The following CYP3A7 variants were observed in gnomAD, a reference collection of about 807,000 sequenced individuals.
CYP3A7 encodes the protein cytochrome P450 3A7.
CYP3A7 carries 45 observed loss-of-function variants against 55.2 expected under a neutral mutation model. That is an observed-to-expected ratio of 0.82 (90% CI 0.64 to 1.05). The LOEUF (loss-of-function observed/expected upper bound fraction) is 1.05. Among genes scored for constraint, CYP3A7 ranks in the 50% least tolerant of loss-of-function variants. The pLI, the probability that CYP3A7 is intolerant of heterozygous loss-of-function variation, is 0.00. For missense variants in CYP3A7, 548 were observed against 605.3 expected, an observed-to-expected ratio of 0.91 and a Z score of 0.99; for synonymous variants, 180 against 207.4, an observed-to-expected ratio of 0.87 and a Z score of 1.13.
intron 11 of CYP3A7, among the ~76,000 whole-genome samples, 184 bp downstream of exon 11, chr7:99,708,851 G>A: frequency 6.6e-6 from 1 of 152,174 alleles, no homozygotes; most frequent in East Asian, 1.9e-4. Context: ...ACTGGCTATA[G>A]TTTTCTTTTA....
chr7:99,705,534 G>A lies in CYP3A7; in HGVS notation c.1478C>T (p.Ala493Val). 6.2e-7 allele frequency: 1 copy of A among 1,613,648 alleles called. No homozygotes were observed. Among genetic ancestry groups the A allele is most frequent in the East Asian group, 2.2e-5 (1 of 44,860 alleles). The change falls in exon 13 of 13, where the codon GCT (alanine) becomes GTT (valine). Residue 493 changes from alanine to valine, a missense_variant. Coordinates refer to ENST00000336374, the MANE Select transcript of CYP3A7 (RefSeq NM_000765.5). ...LLTEKPIVLK[A>V]ESRDETVSGA ...ACTTACGGTCTCATCCCTTGACTCA[G>A]CCTTTAGAACAATGGGTTTTTCTGT...
intron 7 of CYP3A7, 125 bp from the exon 8 acceptor site, chr7:99,714,807 A>G: frequency 1.3e-6 from 2 of 1,487,338 alleles, no homozygotes; most frequent in Non-Finnish European, 1.8e-6. Flanking sequence ...ACTGGAAGCC[A>G]TTCCTTCTAT....
intron 2 of CYP3A7, among the ~76,000 whole-genome samples, chr7:99,725,788 C>G (rs1814388945): frequency 6.6e-6 from 1 of 152,180 alleles, no homozygotes; most frequent in Non-Finnish European, 1.5e-5. Context: ...TCACGGATGC[C>G]AAACTTCAGG....
At chr7:99,722,081 C>G (rs1814224042) in intron 3 of CYP3A7, among the ~76,000 whole-genome samples, 1 of 152,196 alleles carries the variant, frequency 6.6e-6, no homozygotes, top group African/African-American at 2.4e-5. Flanking sequence ...CTTTACCTCC[C>G]TGAATTTGCA....
chr7:99,725,847 G>C (rs1195480925), intron 2 of CYP3A7, among the ~76,000 whole-genome samples: 21 of 152,094 alleles, frequency 1.4e-4, no homozygotes, highest in Admixed American at 1.4e-3. Flanking sequence ...ATCGATAGGG[G>C]GGATACCCAC....
At chr7:99,711,930 G>C (rs1813764032) in intron 9 of CYP3A7, among the ~76,000 whole-genome samples, 1 of 152,206 alleles carries the variant, frequency 6.6e-6, no homozygotes, top group South Asian at 2.1e-4. Context: ...GAGGCACCAG[G>C]TAATAGACCC....
At chr7:99,734,985 C>T in intron 1 of CYP3A7, 38 bp downstream of exon 1, 1 of 1,613,662 alleles carries the variant, frequency 6.2e-7, no homozygotes, top group African/African-American at 1.3e-5. Context: ...ACCCCAAGTC[C>T]AAGGAAACAG....
chr7:99,707,880 C>T lies in CYP3A7; in HGVS notation c.1348G>A (p.Val450Met), dbSNP rs765087201. The change falls in exon 12 of 13, where the codon GTG becomes ATG. Residue 450 changes from valine (V) to methionine (M), a missense_variant. By Grantham distance (21) the Val-to-Met change is conservative (BLOSUM62 1). Coordinates refer to ENST00000336374, the MANE Select transcript of CYP3A7 (RefSeq NM_000765.5). Reference sequence around the variant, plus strand: ...CTGACTAGAGCAAGTTTCATGTTCACGAGAGCAAACCTCATGCCAATGCAG... The same window carrying T: ...CTGACTAGAGCAAGTTTCATGTTCATGAGAGCAAACCTCATGCCAATGCAG... ...RNCIGMRFAL[V>M]NMKLALVRVL... The T allele has an allele frequency of 7.3e-5, 118 of 1,613,892 alleles. No individual in the cohort carries two copies. The highest frequency in any genetic ancestry group is 1.6e-4 in the Middle Eastern group (1 of 6,082).
At chr7:99,730,722 TACTA>T (rs1211041304) in intron 2 of CYP3A7, 7 of 278,120 alleles carry the variant, frequency 2.5e-5, no homozygotes, top group African/African-American at 6.5e-5. Flanking sequence ...CTACTTTTAA[TACTA>T]ACTAAGTATG....
At position 99,732,390 on chromosome 7, in the gene CYP3A7, A is replaced by AT. The variant is rs140858352; in HGVS notation, c.72-1239dup. ...TCCTTTCTAAATTACCCACCCTGAG[A>AT]TTTTTTTTTATAGCAATGGAAGAAA... On this transcript the variant is annotated intron_variant, in intron 1 of 12. Transcript: ENST00000336374. 9.2e-3 allele frequency among the ~76,000 whole-genome samples: 1,399 copies of AT among 151,690 alleles called. 20 individuals carry two copies. The highest frequency in any genetic ancestry group is 0.032 in the African/African-American group (1,307 of 41,352).
At chr7:99,722,206 A>G in intron 3 of CYP3A7, 90 bp downstream of exon 3, 1 of 1,534,492 alleles carries the variant, frequency 6.5e-7, no homozygotes, top group South Asian at 1.2e-5. Context: ...CTTCATCGCA[A>G]GAGGCTCTGG....
At chr7:99,716,052 C>G (rs534252539) in intron 6 of CYP3A7, 146 bp from the exon 7 acceptor site, 1 of 1,513,258 alleles carries the variant, frequency 6.6e-7, no homozygotes, top group Non-Finnish European at 9.0e-7. Flanking sequence ...TCTCCCATCA[C>G]ACTCCCTCAG....
At position 99,708,021 on chromosome 7, in the gene CYP3A7, T is replaced by C. The variant is rs570464659; in HGVS notation, c.1254-47A>G. On this transcript the variant is annotated intron_variant, in intron 11 of 12. Transcript: ENST00000336374. ...TTTTAAAAGTTAAAGACATAATACC[T>C]CTAAGAGTTACATGTTAGGGTTTCT... 1.3e-5 allele frequency: 21 copies of C among 1,612,958 alleles called. 1 individual carries two copies. The highest frequency in any genetic ancestry group is 1.1e-4 in the East Asian group (5 of 44,800).
At chr7:99,727,129 T>A (rs1814441300) in intron 2 of CYP3A7, among the ~76,000 whole-genome samples, 1 of 152,214 alleles carries the variant, frequency 6.6e-6, no homozygotes, top group Admixed American at 6.5e-5. Flanking sequence ...GTTCCCATAC[T>A]AGCTCTTCCT....
Position 99,717,510 on chromosome 7 carries a change from C to T in CYP3A7, c.432+16G>A, listed in dbSNP as rs1182497262. ...ATTCTTTAAGTTTCTAATTAAAACC[C>T]AAGTTATTTTCATACCTCCTTGAGT... is the stretch of plus-strand genomic sequence containing the variant. On this transcript the variant is annotated intron_variant, in intron 5 of 12. Coordinates refer to ENST00000336374, the MANE Select transcript of CYP3A7 (RefSeq NM_000765.5). 2.5e-6 allele frequency: 4 copies of T among 1,613,294 alleles called. No individual in the cohort carries two copies. The highest frequency in any genetic ancestry group is 3.4e-6 in the Non-Finnish European group (4 of 1,179,648).
chr7:99,724,888 C>G (rs79117610), intron 2 of CYP3A7, among the ~76,000 whole-genome samples: 4 of 152,056 alleles, frequency 2.6e-5, no homozygotes, highest in African/African-American at 9.7e-5. Flanking sequence ...CCTGGAGTGA[C>G]TGAAATGTCA....
chr7:99,722,217 G>T, intron 3 of CYP3A7, 79 bp downstream of exon 3: 1 of 1,579,968 alleles, frequency 6.3e-7, no homozygotes, highest in Admixed American at 1.7e-5. Context: ...GAGGCTCTGG[G>T]CTGAGACTAT....
intron 2 of CYP3A7, among the ~76,000 whole-genome samples, chr7:99,723,786 A>C: frequency 6.6e-6 from 1 of 151,898 alleles, no homozygotes; most frequent in South Asian, 2.1e-4. Context: ...TCCCTTCCTT[A>C]ATTTCAGTTT....
intron 2 of CYP3A7, among the ~76,000 whole-genome samples, chr7:99,725,001 G>A (rs1814353795): frequency 6.6e-6 from 1 of 152,132 alleles, no homozygotes; most frequent in African/African-American, 2.4e-5. Flanking sequence ...CTTCAAGAAG[G>A]CATCAGGGCA....
Sources: gnomAD v4.1 joint callset for allele counts (sites outside exome capture counted in the v4.1 genomes callset) on GRCh38, gnomAD v4.1.1 for gene constraint, MANE v1.5 for transcripts, NCBI Gene and HGNC (gene_info 2026-07-23, HGNC 2026-07-21) for gene names.